P2RY8: variants seen among roughly 807,000 people sequenced by gnomAD.
P2RY8 encodes P2Y receptor family member 8, also known as S-geranylgeranyl-glutathione receptor P2RY8.
P2RY8 carries 6 observed loss-of-function variants against 10.0 expected under a neutral mutation model. The observed-to-expected ratio is 0.60, with a 90% CI of 0.33 to 1.19. P2RY8 has a LOEUF of 1.19. Among genes scored for constraint, P2RY8 ranks in the 50% most tolerant of loss-of-function variants. The pLI is 0.04. For missense variants in P2RY8, 456 were observed against 542.0 expected (o/e 0.84, Z 1.58); for synonymous variants, 276 against 252.5 (o/e 1.09, Z -0.88).
chrX:1,509,374 T>TTTA (rs1556682676), intron 1 of P2RY8, among the ~76,000 whole-genome samples: 2 of 131,108 alleles, frequency 1.5e-5, no homozygotes, highest in Non-Finnish European at 3.2e-5. Flanking sequence ...CATCCATCTA[T>TTTA]TCTATCTATC....
At chrX:1,491,652 T>A (rs1487143220) in intron 1 of P2RY8, among the ~76,000 whole-genome samples, 1 of 152,096 alleles carries the variant, frequency 6.6e-6, no homozygotes, top group Non-Finnish European at 1.5e-5. Context: ...AATGAATGAA[T>A]GAATGAATGA....
At chrX:1,523,622 G>T (rs1387105541) in intron 1 of P2RY8, among the ~76,000 whole-genome samples, 1 of 152,148 alleles carries the variant, frequency 6.6e-6, no homozygotes, top group Non-Finnish European at 1.5e-5. Flanking sequence ...GGTGATGATT[G>T]TACAACACTC....
chrX:1,477,761 C>T (rs1334586737), intron 1 of P2RY8, among the ~76,000 whole-genome samples: 2 of 152,132 alleles, frequency 1.3e-5, no homozygotes, highest in Admixed American at 6.5e-5. Context: ...GAGAAACCTG[C>T]CCTCAAGCAA....
chrX:1,497,979 G>A (rs761447300), intron 1 of P2RY8, among the ~76,000 whole-genome samples: 3 of 152,044 alleles, frequency 2.0e-5, no homozygotes, highest in Non-Finnish European at 4.4e-5. Context: ...CACTCCCGCC[G>A]GGTGCCAGCC....
chrX:1,529,867 C>T (rs1357707035), intron 1 of P2RY8, among the ~76,000 whole-genome samples: 12 of 151,870 alleles, frequency 7.9e-5, no homozygotes, highest in Non-Finnish European at 1.8e-4. Flanking sequence ...TTTCTCATCA[C>T]GGCACACTGG....
chrX:1,528,841 T>TTTGAGTCTCTTTGAATGAGTGTGGAC (rs2092456234), intron 1 of P2RY8, among the ~76,000 whole-genome samples: 2 of 152,076 alleles, frequency 1.3e-5, no homozygotes, highest in Non-Finnish European at 2.9e-5. Flanking sequence ...TGAGTGTGGA[T>TTTGAGTCTCTTTGAATGAGTGTGGAC]TTGAGTCTCT....
At chrX:1,484,750 A>AAAAAAAAAAAAAAAAAAAAAAC (rs2091972005) in intron 1 of P2RY8, among the ~76,000 whole-genome samples, 1 of 89,340 alleles carries the variant, frequency 1.1e-5, no homozygotes, top group Non-Finnish European at 2.4e-5. Flanking sequence ...AAAAAAAAAG[A>AAAAAAAAAAAAAAAAAAAAAAC]AGAAGAAGAA....
intron 1 of P2RY8, among the ~76,000 whole-genome samples, chrX:1,524,278 G>T (rs538796674): frequency 2.0e-5 from 3 of 151,856 alleles, no homozygotes; most frequent in African/African-American, 7.3e-5. Context: ...TCTCTTCTGC[G>T]GATCCACTCA....
At chrX:1,524,662 C>T (rs1262889875) in intron 1 of P2RY8, among the ~76,000 whole-genome samples, 3 of 93,170 alleles carry the variant, frequency 3.2e-5, no homozygotes, top group African/African-American at 1.2e-4. Flanking sequence ...TCCATCCATC[C>T]ATCCATTCAT....
chrX:1,487,315 G>T (rs188376313), intron 1 of P2RY8, among the ~76,000 whole-genome samples: 80 of 152,320 alleles, frequency 5.3e-4, no homozygotes, highest in African/African-American at 1.9e-3. Context: ...GTGTGCTTGA[G>T]TCCTCAGGTG....
chrX:1,471,499 C>T (rs760199267), intron 1 of P2RY8, among the ~76,000 whole-genome samples: 38 of 144,710 alleles, frequency 2.6e-4, no homozygotes, highest in African/African-American at 7.5e-4. Context: ...TAGCGACAAG[C>T]TTTCATCATG....
At position 1,465,531 on chromosome X, in the gene P2RY8, C is replaced by T; in HGVS notation, c.1028G>A (p.Gly343Glu). The T allele has an allele frequency of 2.5e-6, 4 of 1,611,838 alleles. No individual in the cohort carries two copies. Among genetic ancestry groups the T allele is most frequent in the African/African-American group, 1.3e-5 (1 of 75,022 alleles). ...VRSEAGAHPE[G>E]MEGATRPGLQ... The stretch of plus-strand genomic sequence containing the variant: ...GCCGGGCCTGGTGGCTCCCTCCATC[C>T]CTTCAGGGTGCGCACCGGCCTCGGA... Residue 343 changes from glycine (G) to glutamate (E), a missense_variant, in exon 2 of 2, where the codon GGG (glycine) becomes GAG (glutamate). By Grantham distance (98) the Gly-to-Glu change is moderately conservative. Coordinates refer to ENST00000381297, the MANE Select transcript of P2RY8 (RefSeq NM_178129.5).
intron 1 of P2RY8, among the ~76,000 whole-genome samples, chrX:1,492,346 C>A (rs1374648975): frequency 6.6e-6 from 1 of 152,064 alleles, no homozygotes; most frequent in Non-Finnish European, 1.5e-5. Flanking sequence ...TGGTCGGAAC[C>A]CTTCAGGAGG....
chrX:1,533,653 A>G (rs2092499179), intron 1 of P2RY8, among the ~76,000 whole-genome samples: 1 of 126,478 alleles, frequency 7.9e-6, no homozygotes, highest in South Asian at 2.4e-4. Context: ...TATTATTTAC[A>G]TATTTATTAT....
chrX:1,528,698 CTT>C (rs1477100743), intron 1 of P2RY8, among the ~76,000 whole-genome samples: 5 of 151,796 alleles, frequency 3.3e-5, no homozygotes, highest in African/African-American at 9.7e-5. Flanking sequence ...ACTTGAGTCT[CTT>C]TGAATGAGTG....
chrX:1,499,955 TTCC>T (rs1332955700), intron 1 of P2RY8, among the ~76,000 whole-genome samples: 2 of 147,614 alleles, frequency 1.4e-5, no homozygotes, highest in Non-Finnish European at 3.0e-5. Context: ...GCCTCCCGGG[TTCC>T]CGCCATTCTC....
In P2RY8 at chrX:1,464,358, G is replaced by T. The variant is rs1349013433; in HGVS notation, c.*1121C>A. 2.1e-5 allele frequency: 5 copies of T among 233,572 alleles called. No individual in the cohort carries two copies. Among genetic ancestry groups the T allele is most frequent in the Non-Finnish European group, 3.4e-5 (4 of 118,368 alleles). 14.5% of individuals were successfully genotyped at this position (233,572 alleles called of 1,614,324 possible). A position where few individuals can be genotyped will look rare whatever the true frequency, so the allele number is the denominator to read the frequency against. On this transcript the variant is annotated 3_prime_UTR_variant, in exon 2 of 2. Transcript: ENST00000381297. ...ACCCAGCCTGCTCACCACCCACACA[G>T]CAGGGAGGGGGCTCAGCGGCTGACA...
At chrX:1,530,691 G>A (rs1303866278) in intron 1 of P2RY8, among the ~76,000 whole-genome samples, 2 of 150,022 alleles carry the variant, frequency 1.3e-5, no homozygotes, top group African/African-American at 4.9e-5. Context: ...TTTAATCTAT[G>A]CATCTATATA....
At chrX:1,534,157 TAC>T (rs1357919188) in intron 1 of P2RY8, among the ~76,000 whole-genome samples, 6 of 135,922 alleles carry the variant, frequency 4.4e-5, no homozygotes, top group African/African-American at 1.7e-4. Context: ...TATATTTATA[TAC>T]AATATATTTA....
Sources: allele counts gnomAD v4.1 joint callset (sites outside exome capture counted in the v4.1 genomes callset), GRCh38; gene constraint gnomAD v4.1.1; transcripts MANE v1.5; gene names NCBI Gene and HGNC (gene_info 2026-07-23, HGNC 2026-07-21).